Variants in PIF1 observed in about 807,000 individuals in gnomAD.
PIF1 encodes ATP-dependent DNA helicase PIF1.
A neutral mutation model predicts 62.3 loss-of-function variants in PIF1; 67 were observed. That is an observed-to-expected ratio of 1.08 (90% confidence interval 0.88 to 1.32). The LOEUF is 1.32. Ranked by LOEUF, PIF1 falls within the 40% of genes most tolerant of loss-of-function variation. The pLI is 0.00. For synonymous variants in PIF1, 364 were observed against 379.5 expected, an observed-to-expected ratio of 0.96 and a Z score of 0.47; for missense variants, 886 against 866.1, an observed-to-expected ratio of 1.02 and a Z score of -0.29.
upstream of PIF1, among the ~76,000 whole-genome samples, chr15:64,826,645 T>C (rs1378209193): frequency 3.7e-4 from 12 of 32,736 alleles, 1 homozygote; most frequent in East Asian, 9.8e-4. Context: ...TATATATATA[T>C]ATATATATAT....
rs2084167771 is a variant in PIF1, at chr15:64,815,640, C to A, written c.*658G>T. 6.6e-7 allele frequency: 1 copy of A among 1,507,504 alleles called. No individual in the cohort carries two copies. Among genetic ancestry groups the A allele is most frequent in the Non-Finnish European group, 8.9e-7 (1 of 1,122,870 alleles). The allele number at this position is 1,507,504 out of a possible 1,614,324, so 93.4% of individuals were successfully genotyped here. On this transcript the variant is annotated 3_prime_UTR_variant, in exon 13 of 13. Transcript: ENST00000559239. Reference sequence around the variant, plus strand: ...GGAGGCAGGAGGCACAGTTTTTACACAATTCTCTAGTTTATTTGTCCGAAA... The same window carrying A: ...GGAGGCAGGAGGCACAGTTTTTACAAAATTCTCTAGTTTATTTGTCCGAAA...
At chr15:64,821,565 CTTTTTTT>C (rs56305637) in intron 4 of PIF1, 45 bp from the exon 5 acceptor site, 11,421 of 1,232,282 alleles carry the variant, frequency 9.3e-3, no homozygotes, top group South Asian at 9.6e-3. Context: ...CAAAGCCTCT[CTTTTTTT>C]TTTTTTTTTT....
Position 64,816,076 on chromosome 15 carries a change from C to T in PIF1, c.*222G>A, listed in dbSNP as rs749511950. On this transcript the variant is annotated 3_prime_UTR_variant, in exon 13 of 13. Coordinates refer to ENST00000559239, the MANE Select transcript of PIF1 (RefSeq NM_001286496.2). The stretch of plus-strand genomic sequence containing the variant: ...ACAGAAAGGGTTACTTCTGACCCTA[C>T]AGCAGCTTACCCAGGGCAAAGTGAG... 2.1e-6 allele frequency: 3 copies of T among 1,455,366 alleles called. No individual in the cohort carries two copies. The highest frequency in any genetic ancestry group is 1.8e-6 in the Non-Finnish European group (2 of 1,109,364). 90.2% of individuals were successfully genotyped at this position (1,455,366 alleles called of 1,614,324 possible).
chr15:64,824,284 G>A lies in PIF1; in HGVS notation c.52C>T (p.Arg18Trp). 1.6e-6 allele frequency: 2 copies of A among 1,270,224 alleles called. No individual in the cohort carries two copies. The highest frequency in any genetic ancestry group is 5.5e-5 in the South Asian group (2 of 36,200). 78.7% of individuals were successfully genotyped at this position (1,270,224 alleles called of 1,614,324 possible). ...AGCTCCTCCACAGCCACGCGGCACC[G>A]CAGCTCCGAGTCCTCATATTCCCCT... Reference protein sequence around the residue: ...AAGEYEDSELRCRVAVEELSP... With the variant: ...AAGEYEDSELWCRVAVEELSP... The change falls in exon 2 of 13, where the codon CGG (arginine) becomes TGG (tryptophan). Residue 18 changes from arginine (R) to tryptophan (W), a missense_variant. Transcript: ENST00000559239.
chr15:64,816,660 G>GCA lies in PIF1; in HGVS notation c.1778_1779dup (p.Leu594CysfsTer78), dbSNP rs775044432. 2 of 1,614,058 alleles carry GCA rather than the reference G, an allele frequency of 1.2e-6. No individual in the cohort carries two copies. Among genetic ancestry groups the GCA allele is most frequent in the Non-Finnish European group, 1.7e-6 (2 of 1,180,030 alleles). ...CGAACCGCCATGGGGTCAAAGTCCA[G>GCA]CACACGTAGGCCCTGCAGGCTGCGG... On this transcript the variant is annotated frameshift_variant, in exon 12 of 13. Transcript: ENST00000559239. LOFTEE classifies it high-confidence loss of function.
At chr15:64,818,365 T>G (rs1377412243) in intron 9 of PIF1, 21 bp from the exon 10 acceptor site, 2 of 1,612,070 alleles carry the variant, frequency 1.2e-6, no homozygotes, top group East Asian at 4.5e-5. Flanking sequence ...GAGAGAGGAA[T>G]GGACAGCAGC....
chr15:64,822,845 T>C (rs1044822840), intron 2 of PIF1, among the ~76,000 whole-genome samples: 55 of 152,158 alleles, frequency 3.6e-4, no homozygotes, highest in African/African-American at 1.3e-3. Flanking sequence ...CAGTGTGGTC[T>C]ACACCCTCCC....
At position 64,820,000 on chromosome 15, in the gene PIF1, A is replaced by T; in HGVS notation, c.1194-14T>A. 6.2e-7 allele frequency: 1 copy of T among 1,611,892 alleles called. No homozygotes were observed. Among genetic ancestry groups the T allele is most frequent in the Non-Finnish European group, 8.5e-7 (1 of 1,178,958 alleles). On this transcript the variant is annotated splice_polypyrimidine_tract_variant and intron_variant, in intron 7 of 12. Transcript: ENST00000559239. ...TCATCTGAACACCTGTTGGGGCTGG[A>T]CTGTCAGGGCAGAGCCCACCTGTGC...
chr15:64,819,598 C>A (rs3803377), intron 8 of PIF1, among the ~76,000 whole-genome samples: 82,951 of 151,898 alleles, frequency 0.55, 23,385 homozygotes, highest in East Asian at 0.88. Context: ...TATGACCCAC[C>A]GCTCCCAGCC....
In PIF1 at chr15:64,824,029, G is replaced by C. The variant is rs1004501304; in HGVS notation, c.307C>G (p.Leu103Val). ...TCTGGGGGGCAGTCCGAGAGCAGCA[G>C]CTGCACTGCGCCGGCCCCGGGGGTG... is the stretch of plus-strand genomic sequence containing the variant. The part of the protein sequence containing the change: ...HDTPGAGAVQ[L>V]LLSDCPPDRL... The change falls in exon 2 of 13, where the codon CTG (leucine) becomes GTG (valine). Residue 103 changes from leucine to valine, a missense_variant. By Grantham distance (32) the Leu-to-Val change is conservative. Coordinates refer to ENST00000559239, the MANE Select transcript of PIF1 (RefSeq NM_001286496.2). 2 of 1,275,592 alleles carry C rather than the reference G, an allele frequency of 1.6e-6. No individual in the cohort carries two copies. Among genetic ancestry groups the C allele is most frequent in the Admixed American group, 4.1e-5 (1 of 24,168 alleles). 79.0% of individuals were successfully genotyped at this position (1,275,592 alleles called of 1,614,324 possible). A position where few individuals can be genotyped will look rare whatever the true frequency, so the allele number is the denominator to read the frequency against.
intron 11 of PIF1, among the ~76,000 whole-genome samples, 174 bp from the exon 12 acceptor site, chr15:64,816,939 G>T (rs1595811257): frequency 6.6e-6 from 1 of 152,186 alleles, no homozygotes; most frequent in African/African-American, 2.4e-5. Context: ...GAGGGGGACC[G>T]GGAGACAGAT....
chr15:64,816,447 C>A, intron 12 of PIF1, 90 bp from the exon 13 acceptor site: 1 of 1,601,522 alleles, frequency 6.2e-7, no homozygotes, highest in Non-Finnish European at 8.5e-7. Flanking sequence ...CTTTTGCCCT[C>A]ACCCCTAAAG....
chr15:64,820,010 C>A lies in PIF1; in HGVS notation c.1194-24G>T, dbSNP rs200950310. The stretch of plus-strand genomic sequence containing the variant: ...ACCTGTTGGGGCTGGACTGTCAGGG[C>A]AGAGCCCACCTGTGCAGCAGGGGAG... On this transcript the variant is annotated intron_variant, in intron 7 of 12. Transcript: ENST00000559239. 2.0e-5 allele frequency: 32 copies of A among 1,607,784 alleles called. No homozygotes were observed. The African/African-American group carries it at 4.3e-4, about 21-fold the overall frequency.
At position 64,824,067 on chromosome 15, in the gene PIF1, A is replaced by G; in HGVS notation, c.269T>C (p.Leu90Pro). 2 of 1,264,256 alleles carry G rather than the reference A, an allele frequency of 1.6e-6. No individual in the cohort carries two copies. Among genetic ancestry groups the G allele is most frequent in the South Asian group, 2.9e-5 (1 of 34,446 alleles). The allele number at this position is 1,264,256 out of a possible 1,614,324, so 78.3% of individuals were successfully genotyped here. A position where few individuals can be genotyped will look rare whatever the true frequency, so the allele number is the denominator to read the frequency against. ...GGCCCCGGGGGTGTCGTGGGCGGGG[A>G]GCCGCAGGGTGCTGCGCCCGGCCTC... ...FAEAGRSTLRLPAHDTPGAGA... is the reference protein window; with the variant it reads ...FAEAGRSTLRPPAHDTPGAGA... Residue 90 changes from leucine to proline, a missense_variant, in exon 2 of 13, where the codon CTC becomes CCC. Transcript: ENST00000559239.
At position 64,822,626 on chromosome 15, in the gene PIF1, C is replaced by A. The variant is rs1398325426; in HGVS notation, c.559-16G>T. The A allele has an allele frequency of 6.2e-7, 1 of 1,613,124 alleles. No homozygotes were observed. The highest frequency in any genetic ancestry group is 1.7e-5 in the Admixed American group (1 of 59,988). On this transcript the variant is annotated splice_polypyrimidine_tract_variant and intron_variant, in intron 2 of 12. Coordinates refer to ENST00000559239, the MANE Select transcript of PIF1 (RefSeq NM_001286496.2). ...TTGGGGCTTCCTGGGGGGAACAGAG[C>A]TATCTCAGAGCATCCTCCCACCCGC...
rs1226936306 is a variant in PIF1 at position 64,815,819 on chromosome 15, C to G, written c.*479G>C. 3.2e-6 allele frequency: 5 copies of G among 1,550,630 alleles called. No homozygotes were observed. The South Asian group carries it at 5.9e-5, about 18-fold the overall frequency. ...CTGGGCTGGGCTAGGCTGGGCCTAG[C>G]TGTAGAGACACACCTAAGTTCCGTT... On this transcript the variant is annotated 3_prime_UTR_variant, in exon 13 of 13. Coordinates refer to ENST00000559239, the MANE Select transcript of PIF1 (RefSeq NM_001286496.2).
rs751694903 is a variant in PIF1 at position 64,823,905 on chromosome 15, G to T, written c.431C>A (p.Pro144His). The T allele has an allele frequency of 1.5e-5, 20 of 1,362,536 alleles. No individual in the cohort carries two copies. Among genetic ancestry groups the T allele is most frequent in the East Asian group, 1.4e-4 (5 of 35,152 alleles). 84.4% of individuals were successfully genotyped at this position (1,362,536 alleles called of 1,614,324 possible). A position where few individuals can be genotyped will look rare whatever the true frequency, so the allele number is the denominator to read the frequency against. The part of the protein sequence containing the change: ...SARAQLLGPR[P>H]RDFVTISPVQ... ...AGGGCTGATGGTGACGAAGTCGCGGGGCCGCGGGCCCAGCAGCTGCGCTCG... is the reference window on the plus strand; with the variant it reads ...AGGGCTGATGGTGACGAAGTCGCGGTGCCGCGGGCCCAGCAGCTGCGCTCG... The change falls in exon 2 of 13, where the codon CCC becomes CAC. Residue 144 changes from proline to histidine, a missense_variant. Transcript: ENST00000559239.
chr15:64,815,694 A>C lies in PIF1; in HGVS notation c.*604T>G, dbSNP rs1389211146. ...ATACAACCTGAGAACATCCATTTCA[A>C]TGTCCCCAAACACTATTTATCCCCT... On this transcript the variant is annotated 3_prime_UTR_variant, in exon 13 of 13. Coordinates refer to ENST00000559239, the MANE Select transcript of PIF1 (RefSeq NM_001286496.2). 3 of 1,546,136 alleles carry C rather than the reference A, an allele frequency of 1.9e-6. No individual in the cohort carries two copies. The highest frequency in any genetic ancestry group is 2.6e-6 in the Non-Finnish European group (3 of 1,145,040).
At chr15:64,819,473 A>T (rs1263352174) in intron 8 of PIF1, among the ~76,000 whole-genome samples, 1 of 151,698 alleles carries the variant, frequency 6.6e-6, no homozygotes, top group African/African-American at 2.4e-5. Context: ...CATCTGGCTA[A>T]TTTTTTTCTA....
Sources: allele counts gnomAD v4.1 joint callset (sites outside exome capture counted in the v4.1 genomes callset), GRCh38; gene constraint gnomAD v4.1.1; transcripts MANE v1.5; gene names NCBI Gene and HGNC (gene_info 2026-07-23, HGNC 2026-07-21).